Variants in GPR180 observed in about 807,000 individuals in gnomAD.
GPR180 encodes the protein integral membrane protein GPR180.
GPR180 carries 53 observed loss-of-function variants against 52.6 expected under a neutral mutation model. That is an observed-to-expected ratio of 1.01 (90% confidence interval 0.81 to 1.27). The LOEUF (loss-of-function observed/expected upper bound fraction) is 1.27, where lower values mean the gene tolerates loss of function less well. Among genes scored for constraint, GPR180 ranks in the 50% most tolerant of loss-of-function variants. The pLI is 0.00. For synonymous variants in GPR180, 200 were observed against 193.1 expected (o/e 1.04, Z -0.30); for missense variants, 533 against 527.0 (o/e 1.01, Z -0.11).
At position 94,632,241 on chromosome 13, in the gene GPR180, A is replaced by G. The variant is rs994652658; in HGVS notation, c.*5070A>G. On this transcript the variant is annotated 3_prime_UTR_variant, in exon 9 of 9. Coordinates refer to ENST00000376958, the MANE Select transcript of GPR180 (RefSeq NM_180989.6). ...GTTTTCTTCTTGTTAAACAGGTAAT[A>G]TATGCACATTGTACAAAAATCAGAA... is the stretch of plus-strand genomic sequence containing the variant. 4 of 152,348 alleles carry G rather than the reference A, an allele frequency of 2.6e-5. No homozygotes were observed. Among genetic ancestry groups the G allele is most frequent in the Middle Eastern group, 3.4e-3 (1 of 294 alleles). The allele number at this position is 152,348 out of a possible 1,614,324, so 9.4% of individuals were successfully genotyped here.
At chr13:94,608,522 A>G (rs528333298) in intron 2 of GPR180, among the ~76,000 whole-genome samples, 2 of 152,156 alleles carry the variant, frequency 1.3e-5, no homozygotes, top group African/African-American at 4.8e-5. Context: ...TTTAATACTG[A>G]TTTCTACATA....
rs565128382 is a variant in GPR180, at chr13:94,618,237, C to A, written c.506-913C>A. Among the ~76,000 whole-genome samples the A allele has an allele frequency of 1.1e-4, 16 of 152,254 alleles. 1 individual carries two copies. The South Asian group carries it at 3.3e-3, about 32-fold the overall frequency. On this transcript the variant is annotated intron_variant, in intron 3 of 8. Transcript: ENST00000376958. Reference sequence around the variant, plus strand: ...GGCCTGTCCCAACATCAGCTCCTTTCAACTTCAATTTCTATGGCCTCTTTC... The same window carrying A: ...GGCCTGTCCCAACATCAGCTCCTTTAAACTTCAATTTCTATGGCCTCTTTC...
chr13:94,611,720 G>A (rs1889708465), intron 2 of GPR180, among the ~76,000 whole-genome samples: 1 of 151,842 alleles, frequency 6.6e-6, no homozygotes, highest in Non-Finnish European at 1.5e-5. Context: ...ACGAGACCAT[G>A]CCCTACAACT....
chr13:94,602,035 C>T lies in GPR180; in HGVS notation c.108C>T (p.Asp36=), dbSNP rs1463925860. ...GCTTCAGCAGCACCGCGGCCCAGGA[C>T]GCCCAGGGCCAGCGCATCGGCCACT... ...RGSFSSTAAQ[D]AQGQRIGHFE... Residue 36 remains aspartate (D), a synonymous_variant, in exon 1 of 9, where the codon GAC becomes GAT. Coordinates refer to ENST00000376958, the MANE Select transcript of GPR180 (RefSeq NM_180989.6). 22 of 1,447,902 alleles carry T rather than the reference C, an allele frequency of 1.5e-5. No individual in the cohort carries two copies. The highest frequency in any genetic ancestry group is 1.8e-5 in the Non-Finnish European group (20 of 1,100,290). The allele number at this position is 1,447,902 out of a possible 1,614,324, so 89.7% of individuals were successfully genotyped here. A position where few individuals can be genotyped will look rare whatever the true frequency, so the allele number is the denominator to read the frequency against.
At chr13:94,610,632 C>G (rs990350957) in intron 2 of GPR180, among the ~76,000 whole-genome samples, 1 of 152,236 alleles carries the variant, frequency 6.6e-6, no homozygotes, top group Non-Finnish European at 1.5e-5. Context: ...TAGGCAGCTT[C>G]GTGTTAGTGT....
In GPR180 at chr13:94,627,277, C is replaced by T. The variant is rs755792702; in HGVS notation, c.*106C>T. The T allele has an allele frequency of 3.6e-5, 31 of 865,926 alleles. No individual in the cohort carries two copies. The highest frequency in any genetic ancestry group is 2.6e-4 in the Admixed American group (10 of 38,052). The allele number at this position is 865,926 out of a possible 1,614,324, so 53.6% of individuals were successfully genotyped here. Reference sequence around the variant, plus strand: ...ACATTTAGTATGAAAACTTGAACAGCGAAAGCAGAGCATGTTATTTATATA... The same window carrying T: ...ACATTTAGTATGAAAACTTGAACAGTGAAAGCAGAGCATGTTATTTATATA... On this transcript the variant is annotated 3_prime_UTR_variant, in exon 9 of 9. Coordinates refer to ENST00000376958, the MANE Select transcript of GPR180 (RefSeq NM_180989.6).
At chr13:94,605,609 A>G (rs986787882) in intron 2 of GPR180, 60 bp downstream of exon 2, 36 of 1,330,970 alleles carry the variant, frequency 2.7e-5, no homozygotes, top group Non-Finnish European at 3.8e-5. Flanking sequence ...TAATGTTGAA[A>G]TATAGTACCA....
rs377461562 is a variant in GPR180 at position 94,630,485 on chromosome 13, G to T, written c.*3314G>T. On this transcript the variant is annotated 3_prime_UTR_variant, in exon 9 of 9. Coordinates refer to ENST00000376958, the MANE Select transcript of GPR180 (RefSeq NM_180989.6). ...AAAAGTTTAAAAATCATATAAATCA[G>T]ATCAAACTACTACTTCCCTGACAAA... is the stretch of plus-strand genomic sequence containing the variant. 1 of 152,184 alleles carries T rather than the reference G, an allele frequency of 6.6e-6. No individual in the cohort carries two copies. The highest frequency in any genetic ancestry group is 1.5e-5 in the Non-Finnish European group (1 of 68,038). The allele number at this position is 152,184 out of a possible 1,614,324, so 9.4% of individuals were successfully genotyped here.
intron 6 of GPR180, among the ~76,000 whole-genome samples, chr13:94,622,058 C>T (rs902254213): frequency 3.9e-5 from 6 of 151,964 alleles, no homozygotes; most frequent in African/African-American, 1.4e-4. Context: ...ATCTTTCTAT[C>T]CCTAGTATTT....
rs1223353441 is a variant in GPR180 at position 94,630,737 on chromosome 13, A to G, written c.*3566A>G. ...GGGACATTCTCTTCCAAATCTTAGCATGGTTGGAAGGCTGAATCCTCATCC... is the reference window on the plus strand; with the variant it reads ...GGGACATTCTCTTCCAAATCTTAGCGTGGTTGGAAGGCTGAATCCTCATCC... On this transcript the variant is annotated 3_prime_UTR_variant, in exon 9 of 9. Transcript: ENST00000376958. 6.6e-6 allele frequency: 1 copy of G among 152,228 alleles called. No individual in the cohort carries two copies. The highest frequency in any genetic ancestry group is 2.4e-5 in the African/African-American group (1 of 41,456). 9.4% of individuals were successfully genotyped at this position (152,228 alleles called of 1,614,324 possible). A position where few individuals can be genotyped will look rare whatever the true frequency, so the allele number is the denominator to read the frequency against.
intron 2 of GPR180, among the ~76,000 whole-genome samples, chr13:94,610,655 C>T (rs1206128819): frequency 6.6e-6 from 1 of 152,200 alleles, no homozygotes; most frequent in East Asian, 1.9e-4. Flanking sequence ...GTCAGTGCCT[C>T]TTAGGTCAGG....
rs1486921154 is a variant in GPR180, at chr13:94,626,014, G to C, written c.1135G>C (p.Val379Leu). The C allele has an allele frequency of 6.2e-7, 1 of 1,611,190 alleles. No homozygotes were observed. The highest frequency in any genetic ancestry group is 2.2e-5 in the East Asian group (1 of 44,672). The change falls in exon 8 of 9, where the codon GTC becomes CTC. Residue 379 changes from valine to leucine, a missense_variant. Physicochemically the swap from Val to Leu is conservative, Grantham distance 32. Coordinates refer to ENST00000376958, the MANE Select transcript of GPR180 (RefSeq NM_180989.6). ...CCATCCAGTTCTTGCATGCATTTCT[G>C]TCATTTTTAGCGACTACCAAAGAGA... is the stretch of plus-strand genomic sequence containing the variant. ...LCHPVLACIS[V>L]IFSDYQRDKV...
At position 94,601,923 on chromosome 13, in the gene GPR180, C is replaced by G; in HGVS notation, c.-5C>G. The G allele has an allele frequency of 6.7e-7, 1 of 1,483,574 alleles. No individual in the cohort carries two copies. Among genetic ancestry groups the G allele is most frequent in the Non-Finnish European group, 8.9e-7 (1 of 1,121,948 alleles). The allele number at this position is 1,483,574 out of a possible 1,614,324, so 91.9% of individuals were successfully genotyped here. Reference sequence around the variant, plus strand: ...CGAGGCGTCGGTGCAGACCTGGAGACGGGCATGGGGGGGCTGCGGCTGCTG... The same window carrying G: ...CGAGGCGTCGGTGCAGACCTGGAGAGGGGCATGGGGGGGCTGCGGCTGCTG... On this transcript the variant is annotated 5_prime_UTR_variant, in exon 1 of 9. Transcript: ENST00000376958.
chr13:94,624,388 C>A (rs1209129456), intron 7 of GPR180, among the ~76,000 whole-genome samples: 1 of 152,166 alleles, frequency 6.6e-6, no homozygotes, highest in Non-Finnish European at 1.5e-5. Context: ...TAGTGTTGAG[C>A]ATTGCAAAGC....
chr13:94,618,030 GT>G (rs1287114634), intron 3 of GPR180, among the ~76,000 whole-genome samples: 1 of 152,200 alleles, frequency 6.6e-6, no homozygotes, highest in Non-Finnish European at 1.5e-5. Flanking sequence ...ACATAATAAG[GT>G]TACATGAAGA....
chr13:94,606,487 A>C (rs1039195619), intron 2 of GPR180, among the ~76,000 whole-genome samples: 1 of 152,212 alleles, frequency 6.6e-6, no homozygotes, highest in African/African-American at 2.4e-5. Flanking sequence ...AAATACGGAA[A>C]TGAAGAACAT....
chr13:94,625,936 C>A (rs1404145951), intron 7 of GPR180, 30 bp from the exon 8 acceptor site: 3 of 1,558,044 alleles, frequency 1.9e-6, no homozygotes, highest in African/African-American at 2.7e-5. Flanking sequence ...CTACACAGTT[C>A]TACTTATTTC....
At chr13:94,606,590 C>T (rs1238675665) in intron 2 of GPR180, among the ~76,000 whole-genome samples, 1 of 152,180 alleles carries the variant, frequency 6.6e-6, no homozygotes, top group African/African-American at 2.4e-5. Context: ...GGGAATTATT[C>T]TTCCCTTTTT....
In GPR180 at chr13:94,619,483, A is replaced by C. The variant is rs1451447692; in HGVS notation, c.702A>C (p.Gly234=). Residue 234 remains glycine (G), a synonymous_variant, in exon 5 of 9, where the codon GGA becomes GGC. Coordinates refer to ENST00000376958, the MANE Select transcript of GPR180 (RefSeq NM_180989.6). ...AATTCCTCAGTTACTCCAAAGATGG[A>C]ATAGGGGTACCATTTATGGGAAGTT... ...YIHFSSYSKD[G]IGVPFMGSLA... is the part of the protein sequence containing the mutation. 1 of 1,613,580 alleles carries C rather than the reference A, an allele frequency of 6.2e-7. No homozygotes were observed. The highest frequency in any genetic ancestry group is 2.2e-5 in the East Asian group (1 of 44,854).
Sources: gnomAD v4.1 joint callset for allele counts (sites outside exome capture counted in the v4.1 genomes callset) on GRCh38, gnomAD v4.1.1 for gene constraint, MANE v1.5 for transcripts, NCBI Gene and HGNC (gene_info 2026-07-23, HGNC 2026-07-21) for gene names.